LRRTM4: variants seen among roughly 807,000 people sequenced by gnomAD.
The protein encoded by LRRTM4 is leucine-rich repeat transmembrane neuronal protein 4.
Under a neutral mutation model 47.6 loss-of-function variants are expected in LRRTM4, and 25 were observed. That is an observed-to-expected ratio of 0.53 (90% confidence interval 0.38 to 0.73). The LOEUF (loss-of-function observed/expected upper bound fraction) is 0.73, where lower values mean the gene tolerates loss of function less well. Among genes scored for constraint, LRRTM4 ranks in the 30% least tolerant of loss-of-function variants. The probability of loss-of-function intolerance (pLI) is 0.00; values close to 1 mark genes in which losing one functional copy is unlikely to be tolerated. For missense variants in LRRTM4, 638 were observed against 713.4 expected, an observed-to-expected ratio of 0.89 and a Z score of 1.20; for synonymous variants, 311 against 269.5, an observed-to-expected ratio of 1.15 and a Z score of -1.51.
chr2:76,760,380 C>T (rs1272697919), intron 3 of LRRTM4, among the ~76,000 whole-genome samples: 1 of 151,948 alleles, frequency 6.6e-6, no homozygotes, highest in African/African-American at 2.4e-5. Flanking sequence ...TGGTGAAATG[C>T]CATATTGGAG....
chr2:77,383,914 G>A (rs910039520), intron 3 of LRRTM4, among the ~76,000 whole-genome samples: 1 of 152,052 alleles, frequency 6.6e-6, no homozygotes, highest in African/African-American at 2.4e-5. Context: ...ATTCTGATGC[G>A]AGCTCAGGTA....
At chr2:76,914,116 T>C (rs965920329) in intron 3 of LRRTM4, among the ~76,000 whole-genome samples, 2 of 151,940 alleles carry the variant, frequency 1.3e-5, no homozygotes, top group Non-Finnish European at 2.9e-5. Context: ...TTAGACAACT[T>C]TAAACTTTTA....
intron 3 of LRRTM4, among the ~76,000 whole-genome samples, chr2:77,500,084 G>C (rs1343817753): frequency 6.6e-6 from 1 of 151,582 alleles, no homozygotes. Context: ...TATAGCTGCC[G>C]GGCCACTTTA....
chr2:77,447,191 G>A (rs545638135), intron 3 of LRRTM4, among the ~76,000 whole-genome samples: 3 of 152,174 alleles, frequency 2.0e-5, no homozygotes, highest in Admixed American at 6.5e-5. Flanking sequence ...TCCAAGTATA[G>A]TCAGTTCTAC....
intron 3 of LRRTM4, among the ~76,000 whole-genome samples, chr2:77,385,124 G>C (rs546232734): frequency 1.3e-5 from 2 of 152,030 alleles, no homozygotes; most frequent in East Asian, 3.9e-4. Context: ...ACAAAGTAAC[G>C]ATCACCAATC....
At chr2:76,992,292 C>G (rs910326043) in intron 3 of LRRTM4, among the ~76,000 whole-genome samples, 2 of 151,744 alleles carry the variant, frequency 1.3e-5, no homozygotes, top group Admixed American at 1.3e-4. Context: ...CCAAAGCAAC[C>G]AGGCAAGAGA....
intron 3 of LRRTM4, among the ~76,000 whole-genome samples, chr2:77,430,103 A>G (rs1675305138): frequency 1.3e-5 from 2 of 152,108 alleles, no homozygotes; most frequent in Admixed American, 1.3e-4. Flanking sequence ...CATGCTAACT[A>G]GAGTTAATAA....
intron 3 of LRRTM4, among the ~76,000 whole-genome samples, chr2:77,317,456 C>T (rs1185276703): frequency 6.6e-6 from 1 of 152,110 alleles, no homozygotes; most frequent in African/African-American, 2.4e-5. Flanking sequence ...GACTTTATTC[C>T]TATGAACTTT....
intron 3 of LRRTM4, among the ~76,000 whole-genome samples, chr2:76,845,008 G>A (rs1396318714): frequency 6.6e-6 from 1 of 151,998 alleles, no homozygotes; most frequent in Non-Finnish European, 1.5e-5. Context: ...TGTGATGAAA[G>A]CAAATCCCTG....
intron 3 of LRRTM4, among the ~76,000 whole-genome samples, chr2:76,826,533 G>GAA (rs5832255): frequency 1.3e-5 from 2 of 151,390 alleles, no homozygotes; most frequent in East Asian, 3.9e-4. Context: ...TTGCTACATA[G>GAA]AAAAAATACA....
chr2:76,810,902 C>T (rs1177254048), intron 3 of LRRTM4, among the ~76,000 whole-genome samples: 3 of 152,134 alleles, frequency 2.0e-5, no homozygotes, highest in South Asian at 4.1e-4. Flanking sequence ...TTGACACATA[C>T]TGTGGGTTAT....
At chr2:76,823,065 G>A (rs1671096840) in intron 3 of LRRTM4, among the ~76,000 whole-genome samples, 1 of 151,340 alleles carries the variant, frequency 6.6e-6, no homozygotes, top group Non-Finnish European at 1.5e-5. Flanking sequence ...CACAGAAAAT[G>A]AGAGAAGCAG....
At chr2:76,988,640 T>TA (rs1330297853) in intron 3 of LRRTM4, among the ~76,000 whole-genome samples, 1 of 151,886 alleles carries the variant, frequency 6.6e-6, no homozygotes, top group Admixed American at 6.6e-5. Flanking sequence ...GTAGAGGCTA[T>TA]AAACTTAGTC....
In LRRTM4 at chr2:77,050,779, AATTTT is replaced by A. The variant is rs1407590219; in HGVS notation, c.1552-301868_1552-301864del. On this transcript the variant is annotated intron_variant, in intron 3 of 3. Transcript: ENST00000409884. ...TTCTACTTCTGTAAAACGGAAAAGT[AATTTT>A]ATTTATTTCATAGGATTGAGTATTA... Among the ~76,000 whole-genome samples, 3 of 152,170 alleles carry A rather than the reference AATTTT, an allele frequency of 2.0e-5. No homozygotes were observed. In the East Asian group the frequency reaches 5.8e-4, roughly 29 times the overall value.
chr2:77,209,073 C>T (rs948326091), intron 3 of LRRTM4, among the ~76,000 whole-genome samples: 6 of 152,106 alleles, frequency 3.9e-5, no homozygotes, highest in East Asian at 1.9e-4. Context: ...CTATCACCAG[C>T]GCTCTCTCCT....
At chr2:77,237,281 T>C (rs1043627780) in intron 3 of LRRTM4, among the ~76,000 whole-genome samples, 4 of 151,970 alleles carry the variant, frequency 2.6e-5, no homozygotes, top group Non-Finnish European at 5.9e-5. Context: ...AGATTGTGTC[T>C]TTGTGTCTTT....
chr2:76,840,862 T>C (rs1456669551), intron 3 of LRRTM4, among the ~76,000 whole-genome samples: 1 of 152,042 alleles, frequency 6.6e-6, no homozygotes, highest in Non-Finnish European at 1.5e-5. Flanking sequence ...TGGAAGTCAG[T>C]GTGGCGATTC....
chr2:77,412,334 T>C (rs1674475574), intron 3 of LRRTM4, among the ~76,000 whole-genome samples: 1 of 152,176 alleles, frequency 6.6e-6, no homozygotes, highest in South Asian at 2.1e-4. Flanking sequence ...GGGATAAAAG[T>C]ATCCTCTCTT....
At chr2:77,320,032 AG>A (rs1275625453) in intron 3 of LRRTM4, among the ~76,000 whole-genome samples, 7 of 152,086 alleles carry the variant, frequency 4.6e-5, no homozygotes, top group African/African-American at 1.7e-4. Context: ...TGTTTTTTTT[AG>A]GGGAAACCGG....
Sources: allele counts gnomAD v4.1 joint callset (sites outside exome capture counted in the v4.1 genomes callset), GRCh38; gene constraint gnomAD v4.1.1; transcripts MANE v1.5; gene names NCBI Gene and HGNC (gene_info 2026-07-23, HGNC 2026-07-21).